Variants in PFKFB1 observed in about 807,000 individuals in gnomAD.
The protein encoded by PFKFB1 is 6-phosphofructo-2-kinase/fructose-2,6-bisphosphatase 1.
A neutral mutation model predicts 46.4 loss-of-function variants in PFKFB1; 34 were observed. The observed-to-expected ratio is 0.73, with a 90% CI of 0.56 to 0.98. The LOEUF (loss-of-function observed/expected upper bound fraction) is 0.98, where lower values mean the gene tolerates loss of function less well. Among genes scored for constraint, PFKFB1 ranks in the 50% least tolerant of loss-of-function variants. The probability of loss-of-function intolerance (pLI) is 0.00; values close to 1 mark genes in which losing one functional copy is unlikely to be tolerated. For missense variants in PFKFB1, 393 were observed against 376.3 expected (o/e 1.04, Z -0.37); for synonymous variants, 119 against 133.8 (o/e 0.89, Z 0.76).
Position 54,949,088 on chromosome X carries a change from T to C in PFKFB1, c.980A>G (p.Asn327Ser), listed in dbSNP as rs1569546754. The change falls in exon 9 of 14, where the codon AAT becomes AGT. Residue 327 changes from asparagine to serine, a missense_variant. By Grantham distance (46) the Asn-to-Ser change is conservative. Transcript: ENST00000375006. ...GVPYEQWKALNEIDAGVCEEM... is the reference protein window; with the variant it reads ...GVPYEQWKALSEIDAGVCEEM... Reference sequence around the variant, plus strand: ...CATGCATCTCACCGCATCAATCTCATTCAGGGCCTTCCACTGCTCATAGGG... The same window carrying C: ...CATGCATCTCACCGCATCAATCTCACTCAGGGCCTTCCACTGCTCATAGGG... 8.3e-7 allele frequency: 1 copy of C among 1,209,311 alleles called. No individual in the cohort carries two copies. The highest frequency in any genetic ancestry group is 1.8e-5 in the African/African-American group (1 of 57,078).
intron 4 of PFKFB1, 73 bp from the exon 5 acceptor site, chrX:54,958,998 G>A: frequency 9.3e-6 from 6 of 646,453 alleles, no homozygotes; most frequent in African/African-American, 6.4e-5. Flanking sequence ...GCCCATCCCT[G>A]TGCTAAGTGG....
intron 6 of PFKFB1, among the ~76,000 whole-genome samples, chrX:54,957,522 AATAG>A (rs988029906): frequency 1.7e-4 from 19 of 110,906 alleles, no homozygotes; most frequent in African/African-American, 5.2e-4. Flanking sequence ...CTATTGAATC[AATAG>A]ATAGATAGAT....
At chrX:54,944,531 A>G (rs1006840585) in intron 10 of PFKFB1, among the ~76,000 whole-genome samples, 7 of 112,263 alleles carry the variant, frequency 6.2e-5, no homozygotes, top group Non-Finnish European at 1.3e-4. Context: ...ATGAATAGCT[A>G]AAAGTGAACT....
At chrX:54,966,100 A>G (rs1934465528) in intron 1 of PFKFB1, among the ~76,000 whole-genome samples, 1 of 112,078 alleles carries the variant, frequency 8.9e-6, no homozygotes, top group Non-Finnish European at 1.9e-5. Flanking sequence ...GTATATTGAC[A>G]ATCACTTTAA....
At chrX:54,940,946 T>C (rs888205262) in intron 10 of PFKFB1, among the ~76,000 whole-genome samples, 60 of 111,200 alleles carry the variant, frequency 5.4e-4, no homozygotes, top group African/African-American at 1.8e-3. Flanking sequence ...CAATCCTAAG[T>C]CAAAAGAACA....
intron 10 of PFKFB1, among the ~76,000 whole-genome samples, chrX:54,940,409 G>A (rs1191901685): frequency 2.7e-5 from 3 of 111,488 alleles, no homozygotes; most frequent in Admixed American, 9.5e-5. Flanking sequence ...AGGCAGGAGA[G>A]AGAAATAAAG....
chrX:54,953,607 A>G (rs190068330), intron 7 of PFKFB1, among the ~76,000 whole-genome samples: 125 of 111,659 alleles, frequency 1.1e-3, no homozygotes, highest in Middle Eastern at 9.2e-3. Context: ...CATTTCTTCT[A>G]GAACCCTCAG....
chrX:54,982,881 G>A (rs1352214574), intron 1 of PFKFB1, among the ~76,000 whole-genome samples: 1 of 111,414 alleles, frequency 9.0e-6, no homozygotes, highest in Non-Finnish European at 1.9e-5. Flanking sequence ...ACCTATTAAT[G>A]ATAAAAACTT....
At chrX:54,976,272 A>C (rs1934837211) in intron 1 of PFKFB1, among the ~76,000 whole-genome samples, 1 of 111,729 alleles carries the variant, frequency 9.0e-6, no homozygotes, top group African/African-American at 3.2e-5. Context: ...AATAACACTT[A>C]AAACTGAACA....
At chrX:54,936,877 G>C (rs1933416446) in intron 11 of PFKFB1, among the ~76,000 whole-genome samples, 1 of 110,960 alleles carries the variant, frequency 9.0e-6, no homozygotes, top group Admixed American at 9.6e-5. Context: ...ATTTTGCATT[G>C]CTCTGAGACA....
chrX:54,993,319 A>C (rs1034680223), intron 1 of PFKFB1, among the ~76,000 whole-genome samples: 6 of 112,557 alleles, frequency 5.3e-5, no homozygotes, highest in South Asian at 3.7e-4. Flanking sequence ...AGCAGCAAGG[A>C]AGTCCATATG....
At chrX:54,995,370 T>C, upstream of PFKFB1, among the ~76,000 whole-genome samples, 2 of 112,161 alleles carry the variant, frequency 1.8e-5, no homozygotes, top group Middle Eastern at 9.2e-3. Context: ...CAGTTCCACT[T>C]TGCCTTTTAA....
intron 1 of PFKFB1, among the ~76,000 whole-genome samples, chrX:54,969,341 T>C (rs1177514371): frequency 1.8e-5 from 2 of 111,768 alleles, no homozygotes; most frequent in East Asian, 2.8e-4. Context: ...CACACTCGCA[T>C]GCACAGGCAC....
At chrX:54,986,864 A>G (rs962391609) in intron 1 of PFKFB1, among the ~76,000 whole-genome samples, 1 of 111,619 alleles carries the variant, frequency 9.0e-6, no homozygotes, top group Non-Finnish European at 1.9e-5. Context: ...AAAATAAAAA[A>G]TTAATAACAG....
Position 54,937,596 on chromosome X carries a change from T to G in PFKFB1, c.1227A>C (p.Ser409=). The change falls in exon 11 of 14, where the codon TCA becomes TCC. Residue 409 remains serine (S), a splice_region_variant and synonymous_variant. Transcript: ENST00000375006. ...CCAAAGCAGAGATGAGGGTAGTACC[T>G]GAACTTTTATCCAGGAAATAGGCCA... The part of the protein sequence containing the change: ...CLLAYFLDKS[S]DELPYLKCPL... The G allele has an allele frequency of 8.3e-7, 1 of 1,209,480 alleles. No homozygotes were observed. The highest frequency in any genetic ancestry group is 1.1e-6 in the Non-Finnish European group (1 of 893,703).
intron 7 of PFKFB1, among the ~76,000 whole-genome samples, chrX:54,954,210 A>G (rs1934066905): frequency 8.9e-6 from 1 of 112,155 alleles, no homozygotes; most frequent in Admixed American, 9.4e-5. Context: ...GAAATAGTCA[A>G]TATTATAAAA....
At chrX:54,976,642 C>T (rs1335566097) in intron 1 of PFKFB1, among the ~76,000 whole-genome samples, 2 of 110,957 alleles carry the variant, frequency 1.8e-5, no homozygotes, top group African/African-American at 6.6e-5. Context: ...CTCATACATA[C>T]CTTTGGAAGG....
At chrX:54,975,222 G>A (rs755808951) in intron 1 of PFKFB1, among the ~76,000 whole-genome samples, 2 of 110,970 alleles carry the variant, frequency 1.8e-5, no homozygotes, top group South Asian at 7.6e-4. Flanking sequence ...ATCATCCAAC[G>A]AGTGGATAAA....
intron 7 of PFKFB1, among the ~76,000 whole-genome samples, chrX:54,953,062 C>T (rs149571813): frequency 0.017 from 1,888 of 111,732 alleles, 47 homozygotes; most frequent in Admixed American, 0.09. Context: ...GGAGTATAGG[C>T]ACTGACTAAT....
Sources: allele counts gnomAD v4.1 joint callset (sites outside exome capture counted in the v4.1 genomes callset), GRCh38; gene constraint gnomAD v4.1.1; transcripts MANE v1.5; gene names NCBI Gene and HGNC (gene_info 2026-07-23, HGNC 2026-07-21).